Variants in LONP1 observed in about 807,000 individuals in gnomAD.
LONP1 encodes lon protease homolog, mitochondrial.
A neutral mutation model predicts 98.5 loss-of-function variants in LONP1; 31 were observed. The observed-to-expected ratio is 0.31, with a 90% confidence interval of 0.24 to 0.42. The LOEUF is 0.42. LONP1 is among the 20% of genes least tolerant of loss of function. The probability of loss-of-function intolerance (pLI) is 1.00; values close to 1 mark genes in which losing one functional copy is unlikely to be tolerated. For missense variants in LONP1, 1,336 were observed against 1,350.6 expected, an observed-to-expected ratio of 0.99 and a Z score of 0.17; for synonymous variants, 781 against 594.7, an observed-to-expected ratio of 1.31 and a Z score of -4.56.
rs751037617 is a variant in LONP1 at position 5,694,506 on chromosome 19, G to A, written c.2201C>T (p.Ser734Phe). 25 of 1,613,098 alleles carry A rather than the reference G, an allele frequency of 1.5e-5. No individual in the cohort carries two copies. The highest frequency in any genetic ancestry group is 1.9e-5 in the Non-Finnish European group (22 of 1,180,010). Reference protein sequence around the residue: ...AYKIVSGEAESVEVTPENLQD... With the variant: ...AYKIVSGEAEFVEVTPENLQD... ...CAGGTTCTCGGGCGTCACCTCCACG[G>A]ACTCGGCCTCGCCGCTGACAATCTT... Residue 734 changes from serine (S) to phenylalanine (F), a missense_variant, in exon 15 of 18, where the codon TCC (serine) becomes TTC (phenylalanine). This residue lies in a region of LONP1 where 555 missense variants were observed against 542.6 expected (regional missense o/e 1.02). Coordinates refer to ENST00000360614, the MANE Select transcript of LONP1 (RefSeq NM_004793.4).
chr19:5,718,810 T>A (rs2055369103), intron 1 of LONP1, among the ~76,000 whole-genome samples: 1 of 151,904 alleles, frequency 6.6e-6, no homozygotes, highest in Non-Finnish European at 1.5e-5. Context: ...ATCATCCTGC[T>A]CCCTCCCCAC....
intron 4 of LONP1, 56 bp downstream of exon 4, chr19:5,711,715 C>T: frequency 6.8e-7 from 1 of 1,474,098 alleles, no homozygotes. Flanking sequence ...AGGAACGGCT[C>T]AAGGGAGCCC....
chr19:5,694,598 A>G (rs775199360), intron 14 of LONP1, 46 bp from the exon 15 acceptor site: 20 of 1,471,242 alleles, frequency 1.4e-5, no homozygotes, highest in South Asian at 2.4e-5. Flanking sequence ...GTGGGGTGAC[A>G]GGTGCGGGGT....
chr19:5,697,981 CCACCCCTCCACCTT>C (rs2145589626), intron 10 of LONP1, among the ~76,000 whole-genome samples: 2 of 148,182 alleles, frequency 1.3e-5, no homozygotes, highest in South Asian at 4.4e-4. Context: ...CCCCCCACCC[CCACCCCTCCACCTT>C]CACCCAGCTG....
At chr19:5,707,442 G>A (rs574767053) in intron 6 of LONP1, among the ~76,000 whole-genome samples, 8 of 152,308 alleles carry the variant, frequency 5.3e-5, no homozygotes, top group East Asian at 1.9e-4. Flanking sequence ...CACTGAACCC[G>A]CAACGGTGAC....
At chr19:5,695,408 CCTG>C (rs2145581423) in intron 13 of LONP1, among the ~76,000 whole-genome samples, 1 of 152,218 alleles carries the variant, frequency 6.6e-6, no homozygotes, top group African/African-American at 2.4e-5. Flanking sequence ...GGGGGGCACT[CCTG>C]ATGCCCTGAG....
In LONP1 at chr19:5,705,032, C is replaced by CAT. The variant is rs923524348; in HGVS notation, c.1367+738_1367+739dup. 1.3e-4 allele frequency among the ~76,000 whole-genome samples: 20 copies of CAT among 152,192 alleles called. 1 individual carries two copies. In the East Asian group the frequency reaches 2.7e-3, roughly 21 times the overall value. The stretch of plus-strand genomic sequence containing the variant: ...TAAAAATTAGCTGGGTGTGGTGGCA[C>CAT]ATGCCTGTAATCCCAGCTACTCAGG... On this transcript the variant is annotated intron_variant, in intron 8 of 17. Transcript: ENST00000360614.
intron 8 of LONP1, among the ~76,000 whole-genome samples, chr19:5,702,493 C>A (rs1429251019): frequency 6.6e-6 from 1 of 152,008 alleles, no homozygotes; most frequent in Non-Finnish European, 1.5e-5. Flanking sequence ...GGGGGTCAGC[C>A]CCCCGCCCGG....
chr19:5,691,976 T>TCAGTTCTGGCCCAGACAGGGCCTGACTTC lies in LONP1; in HGVS notation c.*55_*56insGAAGTCAGGCCCTGTCTGGGCCAGAACTG. ...GGTCCGGGCGCGCTCCCCACAGCGC[T>TCAGTTCTGGCCCAGACAGGGCCTGACTTC]CAGTTCTGGCCCAGACAGGGCCTGA... On this transcript the variant is annotated 3_prime_UTR_variant, in exon 18 of 18. Transcript: ENST00000360614. 1 of 1,536,484 alleles carries TCAGTTCTGGCCCAGACAGGGCCTGACTTC rather than the reference T, an allele frequency of 6.5e-7. No homozygotes were observed. Among genetic ancestry groups the TCAGTTCTGGCCCAGACAGGGCCTGACTTC allele is most frequent in the Non-Finnish European group, 8.8e-7 (1 of 1,135,666 alleles).
At position 5,696,039 on chromosome 19, in the gene LONP1, AG is replaced by A. The variant is rs755878416; in HGVS notation, c.2013+14del. On this transcript the variant is annotated intron_variant, in intron 13 of 17. Transcript: ENST00000360614. ...CTCTGGGAAGGGGACAGCAGTGGGG[AG>A]GGGCTGGGCTTACCTCCGCAATGGC... 6.2e-7 allele frequency: 1 copy of A among 1,606,926 alleles called. No individual in the cohort carries two copies. Among genetic ancestry groups the A allele is most frequent in the Non-Finnish European group, 8.5e-7 (1 of 1,176,874 alleles).
intron 1 of LONP1, among the ~76,000 whole-genome samples, chr19:5,716,202 T>C (rs1251014986): frequency 6.8e-6 from 1 of 147,230 alleles, no homozygotes; most frequent in Non-Finnish European, 1.5e-5. Flanking sequence ...TGAGACCCCA[T>C]CTCTATTTTC....
At chr19:5,707,267 A>C (rs2055161509) in intron 6 of LONP1, 124 bp from the exon 7 acceptor site, 1 of 743,286 alleles carries the variant, frequency 1.3e-6, no homozygotes, top group South Asian at 1.6e-5. Context: ...TGCTGTACCC[A>C]GCACAGAGGC....
At chr19:5,699,594 G>A (rs190303362) in intron 9 of LONP1, among the ~76,000 whole-genome samples, 2 of 131,298 alleles carry the variant, frequency 1.5e-5, no homozygotes, top group East Asian at 2.2e-4. Flanking sequence ...GTCTTGCTCT[G>A]TGGCCCAGGC....
chr19:5,695,448 C>T (rs1179410353), intron 13 of LONP1, among the ~76,000 whole-genome samples: 1 of 152,130 alleles, frequency 6.6e-6, no homozygotes, highest in African/African-American at 2.4e-5. Context: ...CAGTCCTGTC[C>T]CCAGGAACTA....
intron 6 of LONP1, 66 bp from the exon 7 acceptor site, chr19:5,707,209 T>C: frequency 1.5e-6 from 2 of 1,317,532 alleles, no homozygotes; most frequent in Non-Finnish European, 2.2e-6. Flanking sequence ...GGGCCGAGGT[T>C]GGGGGAAAAT....
chr19:5,693,796 C>T lies in LONP1; in HGVS notation c.2321-27G>A, dbSNP rs537913439. The T allele has an allele frequency of 1.7e-5, 27 of 1,593,242 alleles. No individual in the cohort carries two copies. The African/African-American group carries it at 2.1e-4, about 13-fold the overall frequency. Reference sequence around the variant, plus strand: ...TGAAACAGGTGTGGAGCTGTGAACACGGGAGGCCTCGGAGCCCAGGCCGGT... The same window carrying T: ...TGAAACAGGTGTGGAGCTGTGAACATGGGAGGCCTCGGAGCCCAGGCCGGT... On this transcript the variant is annotated intron_variant, in intron 15 of 17. Coordinates refer to ENST00000360614, the MANE Select transcript of LONP1 (RefSeq NM_004793.4).
intron 7 of LONP1, among the ~76,000 whole-genome samples, chr19:5,706,560 T>A (rs928023116): frequency 6.6e-6 from 1 of 151,992 alleles, no homozygotes; most frequent in Non-Finnish European, 1.5e-5. Context: ...TGAGCTGAGA[T>A]TGCGCCATTG....
intron 10 of LONP1, among the ~76,000 whole-genome samples, chr19:5,697,891 C>T (rs1403846042): frequency 3.9e-5 from 6 of 152,190 alleles, no homozygotes; most frequent in Admixed American, 2.0e-4. Context: ...TCCTCCGGCC[C>T]GCACCTCCAG....
chr19:5,712,411 C>T (rs1323625080), intron 3 of LONP1: 1 of 186,938 alleles, frequency 5.3e-6, no homozygotes, highest in African/African-American at 2.4e-5. Flanking sequence ...GTCTCGATTT[C>T]AAGGACACCA....
Sources: gnomAD v4.1 joint callset for allele counts (sites outside exome capture counted in the v4.1 genomes callset) on GRCh38, gnomAD v4.1.1 for gene constraint, gnomAD v4.1.1 regional missense constraint, MANE v1.5 for transcripts, NCBI Gene and HGNC (gene_info 2026-07-23, HGNC 2026-07-21) for gene names.